The following ZDHHC11 variants were observed in gnomAD, a reference collection of about 807,000 sequenced individuals.
The protein encoded by ZDHHC11 is palmitoyltransferase ZDHHC11.
Under a neutral mutation model 51.3 loss-of-function variants are expected in ZDHHC11, and 44 were observed. The observed-to-expected ratio is 0.86, with a 90% CI of 0.67 to 1.10. The LOEUF is 1.10. ZDHHC11 is among the 50% of genes least tolerant of loss of function. The pLI, the probability that ZDHHC11 is intolerant of heterozygous loss-of-function variation, is 0.00. For missense variants in ZDHHC11, 400 were observed against 537.7 expected (o/e 0.74, Z 2.53); for synonymous variants, 163 against 222.0 (o/e 0.73, Z 2.36).
At chr5:848,439 G>A (rs1354614543) in intron 2 of ZDHHC11, 43 bp downstream of exon 2, 9 of 1,011,596 alleles carry the variant, frequency 8.9e-6, no homozygotes, top group African/African-American at 1.9e-5. Context: ...GACCCTGGAG[G>A]TGACCCTGAC....
chr5:850,930 C>A lies in ZDHHC11; in HGVS notation c.-328G>T. The A allele has an allele frequency of 2.2e-6, 1 of 449,072 alleles. No homozygotes were observed. The highest frequency in any genetic ancestry group is 4.0e-6 in the Non-Finnish European group (1 of 248,704). The allele number at this position is 449,072 out of a possible 1,614,324, so 27.8% of individuals were successfully genotyped here. A position where few individuals can be genotyped will look rare whatever the true frequency, so the allele number is the denominator to read the frequency against. Reference sequence around the variant, plus strand: ...CATCAGTTCCCCTGAGGATTTGTTACGTTCTGGGGAGTGCTCGACAGCCCC... The same window carrying A: ...CATCAGTTCCCCTGAGGATTTGTTAAGTTCTGGGGAGTGCTCGACAGCCCC... On this transcript the variant is annotated 5_prime_UTR_variant, in exon 1 of 13. Coordinates refer to ENST00000283441, the MANE Select transcript of ZDHHC11 (RefSeq NM_024786.3).
At chr5:801,427 G>A (rs1397369332) in intron 11 of ZDHHC11, among the ~76,000 whole-genome samples, 1 of 151,944 alleles carries the variant, frequency 6.6e-6, no homozygotes, top group Non-Finnish European at 1.5e-5. Flanking sequence ...ATAAATAAGA[G>A]GGTCTTGTGG....
intron 12 of ZDHHC11, among the ~76,000 whole-genome samples, chr5:798,406 C>T (rs547197126): frequency 3.8e-4 from 58 of 151,592 alleles, no homozygotes; most frequent in Middle Eastern, 3.4e-3. Flanking sequence ...GACACGGACA[C>T]GCGCACGCGT....
intron 11 of ZDHHC11, among the ~76,000 whole-genome samples, chr5:804,992 CTT>C: frequency 6.6e-6 from 1 of 151,342 alleles, no homozygotes; most frequent in Non-Finnish European, 1.5e-5. Context: ...GTTTGTAACT[CTT>C]TTTTTCTATA....
chr5:805,088 C>T lies in ZDHHC11; in HGVS notation c.1182-3924G>A, dbSNP rs572566090. Among the ~76,000 whole-genome samples the T allele has an allele frequency of 2.2e-3, 329 of 151,348 alleles. 7 individuals carry two copies. Among genetic ancestry groups the T allele is most frequent in the South Asian group, 4.8e-3 (23 of 4,782 alleles). ...TGTATAAAGATGTAATCAATGACAA[C>T]AGCAATATAAAGGGTGAGGGATGGA... On this transcript the variant is annotated intron_variant, in intron 11 of 12. Transcript: ENST00000283441.
At chr5:816,208 A>C (rs770107085) in intron 10 of ZDHHC11, 1 of 216,890 alleles carries the variant, frequency 4.6e-6, no homozygotes, top group Non-Finnish European at 9.4e-6. Flanking sequence ...GTGTCAATTG[A>C]AGGGAAATTT....
At chr5:819,176 A>G (rs1741233384) in intron 10 of ZDHHC11, among the ~76,000 whole-genome samples, 1 of 151,382 alleles carries the variant, frequency 6.6e-6, no homozygotes, top group Non-Finnish European at 1.5e-5. Flanking sequence ...ATGGCTACCA[A>G]TTTCCCTCCA....
chr5:857,878 CGT>C (rs1370388626), intron 1 of ZDHHC11, among the ~76,000 whole-genome samples: 25 of 145,426 alleles, frequency 1.7e-4, no homozygotes, highest in Middle Eastern at 4.2e-3. Flanking sequence ...TCCTGGTCCC[CGT>C]CCTGTCTTTA....
At chr5:829,569 G>T (rs1166578689) in intron 7 of ZDHHC11, among the ~76,000 whole-genome samples, 1 of 151,438 alleles carries the variant, frequency 6.6e-6, no homozygotes, top group Non-Finnish European at 1.5e-5. Context: ...GGCATCCAAA[G>T]AAGGACTGGT....
At chr5:825,602 G>C (rs1296581577) in intron 7 of ZDHHC11, among the ~76,000 whole-genome samples, 5 of 152,346 alleles carry the variant, frequency 3.3e-5, no homozygotes, top group Non-Finnish European at 4.4e-5. Context: ...CACATGGAGA[G>C]ACAGAACAGC....
At chr5:855,089 G>A (rs565698468), upstream of ZDHHC11, among the ~76,000 whole-genome samples, 588 of 148,632 alleles carry the variant, frequency 4.0e-3, 1 homozygote, top group Non-Finnish European at 5.4e-3. Context: ...AGCGAGCCGC[G>A]GGGACAGACC....
chr5:845,020 CT>C, intron 3 of ZDHHC11, among the ~76,000 whole-genome samples: 1 of 152,416 alleles, frequency 6.6e-6, no homozygotes, highest in South Asian at 2.1e-4. Flanking sequence ...GTTTAAATCC[CT>C]TTTTCTATTT....
intron 7 of ZDHHC11, among the ~76,000 whole-genome samples, chr5:827,199 A>C (rs1408891528): frequency 6.7e-6 from 1 of 149,278 alleles, no homozygotes; most frequent in Non-Finnish European, 1.5e-5. Context: ...GCCACTAATA[A>C]GTCAGTCCTA....
rs1386793310 is a variant in ZDHHC11 at position 808,494 on chromosome 5, G to A, written c.1181+6267C>T. 2.1e-4 allele frequency among the ~76,000 whole-genome samples: 31 copies of A among 147,748 alleles called. 2 individuals carry two copies. Among genetic ancestry groups the A allele is most frequent in the African/African-American group, 6.2e-4 (25 of 40,422 alleles). On this transcript the variant is annotated intron_variant, in intron 11 of 12. Transcript: ENST00000283441. ...CTCCCTCACTCAGTTCCCTTTGGACGTCTGCATGTGTCTCCAACACACTTA... is the reference window on the plus strand; with the variant it reads ...CTCCCTCACTCAGTTCCCTTTGGACATCTGCATGTGTCTCCAACACACTTA...
At position 808,458 on chromosome 5, in the gene ZDHHC11, C is replaced by T. The variant is rs991494239; in HGVS notation, c.1181+6303G>A. Among the ~76,000 whole-genome samples, 6 of 144,740 alleles carry T rather than the reference C, an allele frequency of 4.1e-5. 2 individuals carry two copies. The highest frequency in any genetic ancestry group is 1.4e-4 in the Admixed American group (2 of 14,552). 95.0% of individuals were successfully genotyped at this position (144,740 alleles called of 152,430 possible). On this transcript the variant is annotated intron_variant, in intron 11 of 12. Coordinates refer to ENST00000283441, the MANE Select transcript of ZDHHC11 (RefSeq NM_024786.3). The stretch of plus-strand genomic sequence containing the variant: ...TGTCATCAGTGCTCCCAGCCATGCC[C>T]CACTTCCAGACTCCCTCACTCAGTT...
At chr5:796,781 C>T (rs1398588128) in intron 12 of ZDHHC11, among the ~76,000 whole-genome samples, 2 of 152,186 alleles carry the variant, frequency 1.3e-5, no homozygotes. Context: ...CCGAGCCAGG[C>T]TCCTGCCCTC....
intron 11 of ZDHHC11, among the ~76,000 whole-genome samples, chr5:802,843 A>C (rs1738646563): frequency 1.2e-5 from 1 of 83,976 alleles, no homozygotes. Context: ...AAAAAAAAAA[A>C]AAAAAAAAAA....
chr5:802,206 C>G lies in ZDHHC11; in HGVS notation c.1182-1042G>C, dbSNP rs149745323. The stretch of plus-strand genomic sequence containing the variant: ...ACTGCTGCTGCAAGACTTCCCAAAC[C>G]ATAGGCAACAATGGGAGTGTCTGCC... On this transcript the variant is annotated intron_variant, in intron 11 of 12. Coordinates refer to ENST00000283441, the MANE Select transcript of ZDHHC11 (RefSeq NM_024786.3). Among the ~76,000 whole-genome samples, 9 of 150,762 alleles carry G rather than the reference C, an allele frequency of 6.0e-5. 1 individual carries two copies. Among genetic ancestry groups the G allele is most frequent in the Non-Finnish European group, 8.9e-5 (6 of 67,594 alleles).
At chr5:847,078 G>A (rs1746348435) in intron 3 of ZDHHC11, among the ~76,000 whole-genome samples, 1 of 105,760 alleles carries the variant, frequency 9.5e-6, no homozygotes, top group African/African-American at 5.6e-5. Flanking sequence ...ACCGTGCTCA[G>A]GGAAACACCT....
Sources: allele counts gnomAD v4.1 joint callset (sites outside exome capture counted in the v4.1 genomes callset), GRCh38; gene constraint gnomAD v4.1.1; transcripts MANE v1.5; gene names NCBI Gene and HGNC (gene_info 2026-07-23, HGNC 2026-07-21).